Variants in AKR7A3 observed in about 807,000 individuals in gnomAD.
AKR7A3 encodes aldo-keto reductase family 7 member A3.
Under a neutral mutation model 32.5 loss-of-function variants are expected in AKR7A3, and 37 were observed. That is an observed-to-expected ratio of 1.14 (90% CI 0.88 to 1.50). The LOEUF is 1.50. Among genes scored for constraint, AKR7A3 ranks in the 40% most tolerant of loss-of-function variants. AKR7A3 has a pLI of 0.00. For missense variants in AKR7A3, 412 were observed against 453.2 expected (o/e 0.91, Z 0.83); for synonymous variants, 177 against 188.4 (o/e 0.94, Z 0.50).
the AKR7A3 span, among the ~76,000 whole-genome samples, chr1:19,275,696 T>C: frequency 1.3e-5 from 2 of 151,808 alleles, 1 homozygote; most frequent in African/African-American, 4.9e-5. Flanking sequence ...TCCCAGTTAC[T>C]CAGGAGGTTG....
chr1:19,282,630 T>A lies in AKR7A3; in HGVS notation c.*101A>T, dbSNP rs1402940641. 8 of 1,570,664 alleles carry A rather than the reference T, an allele frequency of 5.1e-6. No homozygotes were observed. On this transcript the variant is annotated 3_prime_UTR_variant, in exon 7 of 7. Transcript: ENST00000361640. ...TTCTATTAGGTTTTTGTCCAAATACTTCCATCCCTAAGAATTTACTGAGGC... is the reference window on the plus strand; with the variant it reads ...TTCTATTAGGTTTTTGTCCAAATACATCCATCCCTAAGAATTTACTGAGGC...
rs140337858 is a variant in AKR7A3 at position 19,283,452 on chromosome 1, T to C, written c.834+544A>G. On this transcript the variant is annotated intron_variant, in intron 6 of 6. Coordinates refer to ENST00000361640, the MANE Select transcript of AKR7A3 (RefSeq NM_012067.3). ...AGTTTCCTCGTCAATAACACTGGGATAGTCATTTCATAAAGCTGAAGGAAT... is the reference window on the plus strand; with the variant it reads ...AGTTTCCTCGTCAATAACACTGGGACAGTCATTTCATAAAGCTGAAGGAAT... 3.4e-3 allele frequency among the ~76,000 whole-genome samples: 521 copies of C among 152,068 alleles called. 14 individuals carry two copies. The highest frequency in any genetic ancestry group is 0.012 in the African/African-American group (489 of 41,308).
intron 1 of AKR7A3, among the ~76,000 whole-genome samples, chr1:19,286,629 C>T (rs1286600938): frequency 4.6e-5 from 7 of 151,690 alleles, no homozygotes; most frequent in Admixed American, 3.3e-4. Context: ...TGCAGTGAGC[C>T]GAGATTGTGC....
chr1:19,279,210 C>G (rs929242701), downstream of AKR7A3, among the ~76,000 whole-genome samples: 7 of 151,990 alleles, frequency 4.6e-5, 1 homozygote, highest in Admixed American at 3.9e-4. Context: ...AATCCTCCTG[C>G]CTTGGCCTCC....
chr1:19,286,013 T>A, intron 2 of AKR7A3, 21 bp from the exon 3 acceptor site: 2 of 1,613,340 alleles, frequency 1.2e-6, no homozygotes, highest in East Asian at 2.2e-5. Context: ...GAGGCTCCAG[T>A]CAGAACATAG....
Position 19,285,995 on chromosome 1 carries a change from G to T in AKR7A3, c.403-3C>A. ...AGGCCAAGCTCCACGAACTTGCCCT[G>T]CTCAGGTGAGGCTCCAGTCAGAACA... is the stretch of plus-strand genomic sequence containing the variant. On this transcript the variant is annotated splice_polypyrimidine_tract_variant and splice_region_variant and intron_variant, in intron 2 of 6. Coordinates refer to ENST00000361640, the MANE Select transcript of AKR7A3 (RefSeq NM_012067.3). 5 of 1,613,674 alleles carry T rather than the reference G, an allele frequency of 3.1e-6. No homozygotes were observed. The highest frequency in any genetic ancestry group is 4.2e-6 in the Non-Finnish European group (5 of 1,179,942).
intron 1 of AKR7A3, 109 bp from the exon 2 acceptor site, chr1:19,286,481 AC>A: frequency 9.1e-7 from 1 of 1,100,128 alleles, no homozygotes; most frequent in Non-Finnish European, 1.3e-6. Context: ...GGAGTTCAAG[AC>A]CAGCTGGACC....
intron 5 of AKR7A3, 133 bp downstream of exon 5, chr1:19,284,553 G>T: frequency 2.0e-6 from 2 of 1,021,184 alleles, no homozygotes; most frequent in Non-Finnish European, 3.0e-6. Context: ...TGGAGGGTTT[G>T]GAAATTCCCG....
At chr1:19,284,543 T>C (rs2093725482) in intron 5 of AKR7A3, 143 bp downstream of exon 5, 1 of 929,882 alleles carries the variant, frequency 1.1e-6, no homozygotes, top group African/African-American at 1.7e-5. Flanking sequence ...AGAAAACCGA[T>C]GGAGGGTTTG....
At chr1:19,281,158 C>T (rs2093718292), downstream of AKR7A3, among the ~76,000 whole-genome samples, 1 of 151,678 alleles carries the variant, frequency 6.6e-6, no homozygotes, top group Non-Finnish European at 1.5e-5. Context: ...CTCCCTGCCT[C>T]AGCCTCCCGA....
chr1:19,287,283 G>A (rs193024750), intron 1 of AKR7A3, among the ~76,000 whole-genome samples: 33 of 149,044 alleles, frequency 2.2e-4, no homozygotes, highest in African/African-American at 8.3e-4. Flanking sequence ...CTCCAGCCTG[G>A]GCAAAAAAGC....
downstream of AKR7A3, among the ~76,000 whole-genome samples, chr1:19,278,284 C>A (rs1035906422): frequency 6.6e-6 from 1 of 151,642 alleles, no homozygotes; most frequent in Non-Finnish European, 1.5e-5. Flanking sequence ...ATTGGCCAGG[C>A]GCAGTGGCTC....
downstream of AKR7A3, among the ~76,000 whole-genome samples, chr1:19,278,862 A>G (rs1294583229): frequency 1.3e-5 from 2 of 151,958 alleles, no homozygotes; most frequent in African/African-American, 2.4e-5. Flanking sequence ...TACAGATCAA[A>G]TCATGCAATA....
At chr1:19,274,315 G>C in the AKR7A3 span, 1 of 681,330 alleles carries the variant, frequency 1.5e-6, no homozygotes, top group East Asian at 3.4e-5. Flanking sequence ...CTTCGTACCG[G>C]TGACTCGCGT....
At chr1:19,280,535 C>A (rs1327490697), downstream of AKR7A3, among the ~76,000 whole-genome samples, 4 of 151,656 alleles carry the variant, frequency 2.6e-5, no homozygotes, top group Non-Finnish European at 5.9e-5. Context: ...TTGCAAATAT[C>A]CAGATGTTGT....
rs2093723707 is a variant in AKR7A3 at position 19,284,060 on chromosome 1, C to T, written c.770G>A (p.Gly257Asp). 2 of 1,613,738 alleles carry T rather than the reference C, an allele frequency of 1.2e-6. No individual in the cohort carries two copies. Among genetic ancestry groups the T allele is most frequent in the Non-Finnish European group, 1.7e-6 (2 of 1,179,856 alleles). The change falls in exon 6 of 7, where the codon GGC becomes GAC. Residue 257 changes from glycine (G) to aspartate (D), a missense_variant. By Grantham distance (94) the Gly-to-Asp change is moderately conservative. Transcript: ENST00000361640. Reference protein sequence around the residue: ...LVEKALQAAYGASAPSMTSAT... With the variant: ...LVEKALQAAYDASAPSMTSAT... ...CGAGGTCATGCTGGGGGCGCTGGCG[C>T]CATACGCGGCCTGCAGGGCCTTCTC... is the stretch of plus-strand genomic sequence containing the variant.
the AKR7A3 span, among the ~76,000 whole-genome samples, chr1:19,276,092 G>A: frequency 1.3e-4 from 20 of 152,012 alleles, no homozygotes; most frequent in South Asian, 8.3e-4. Flanking sequence ...CCCAGGCGCC[G>A]TGGCTCACGC....
intron 3 of AKR7A3, among the ~76,000 whole-genome samples, 193 bp downstream of exon 3, chr1:19,285,695 G>A (rs1281137156): frequency 6.6e-6 from 1 of 151,598 alleles, no homozygotes; most frequent in Non-Finnish European, 1.5e-5. Context: ...AGATAGGCAG[G>A]AAGGAAGCAG....
At position 19,284,050 on chromosome 1, in the gene AKR7A3, G is replaced by A; in HGVS notation, c.780C>T (p.Ala260=). 1.9e-6 allele frequency: 3 copies of A among 1,613,720 alleles called. No individual in the cohort carries two copies. The highest frequency in any genetic ancestry group is 2.5e-6 in the Non-Finnish European group (3 of 1,179,872). The change falls in exon 6 of 7, where the codon GCC becomes GCT. Residue 260 remains alanine (A), a synonymous_variant. Coordinates refer to ENST00000361640, the MANE Select transcript of AKR7A3 (RefSeq NM_012067.3). ...GGAGGGTGGCCGAGGTCATGCTGGG[G>A]GCGCTGGCGCCATACGCGGCCTGCA... ...KALQAAYGAS[A]PSMTSATLRW... is the part of the protein sequence containing the mutation.
Sources: allele counts gnomAD v4.1 joint callset (sites outside exome capture counted in the v4.1 genomes callset), GRCh38; gene constraint gnomAD v4.1.1; transcripts MANE v1.5; gene names NCBI Gene and HGNC (gene_info 2026-07-23, HGNC 2026-07-21).